The following ARHGAP15 variants were observed in gnomAD, a reference collection of about 807,000 sequenced individuals.
The protein encoded by ARHGAP15 is Rho GTPase activating protein 15, also known as rho GTPase-activating protein 15.
ARHGAP15 carries 51 observed loss-of-function variants against 63.7 expected under a neutral mutation model. That is an observed-to-expected ratio of 0.80 (90% CI 0.64 to 1.01). ARHGAP15 has a LOEUF of 1.01. Among genes scored for constraint, ARHGAP15 ranks in the 50% least tolerant of loss-of-function variants. The pLI is 0.00. For missense variants in ARHGAP15, 560 were observed against 564.6 expected, an observed-to-expected ratio of 0.99 and a Z score of 0.08; for synonymous variants, 191 against 193.8, an observed-to-expected ratio of 0.99 and a Z score of 0.12.
In ARHGAP15 at chr2:143,180,674, T is replaced by A. The variant is rs114079372; in HGVS notation, c.166-21460T>A. 3.7e-3 allele frequency among the ~76,000 whole-genome samples: 564 copies of A among 152,270 alleles called. 3 individuals carry two copies. The highest frequency in any genetic ancestry group is 0.012 in the African/African-American group (519 of 41,544). On this transcript the variant is annotated intron_variant, in intron 2 of 13. Transcript: ENST00000295095. The stretch of plus-strand genomic sequence containing the variant: ...AGTCTTATTAAATATATTTCTTTTT[T>A]TTATTATTTTTTTGAGACGGAGTCT...
chr2:143,525,514 C>T (rs1694235088), intron 10 of ARHGAP15, among the ~76,000 whole-genome samples: 1 of 151,722 alleles, frequency 6.6e-6, no homozygotes, highest in Admixed American at 6.6e-5. Flanking sequence ...CATCTGCATG[C>T]ATTTACAATG....
intron 6 of ARHGAP15, among the ~76,000 whole-genome samples, chr2:143,391,512 G>T (rs957463081): frequency 1.3e-5 from 2 of 152,106 alleles, no homozygotes; most frequent in Non-Finnish European, 1.5e-5. Flanking sequence ...TGGGGAGCCT[G>T]CCTTCAGTCT....
intron 13 of ARHGAP15, among the ~76,000 whole-genome samples, chr2:143,726,729 A>G (rs1346587906): frequency 6.6e-6 from 1 of 152,212 alleles, no homozygotes; most frequent in Non-Finnish European, 1.5e-5. Context: ...CATGTAACGT[A>G]CTTCTGAGAC....
Position 143,134,812 on chromosome 2 carries a change from T to C in ARHGAP15, c.-15+5346T>C, listed in dbSNP as rs576429659. 7.9e-5 allele frequency among the ~76,000 whole-genome samples: 12 copies of C among 151,316 alleles called. No individual in the cohort carries two copies. In the South Asian group the frequency reaches 2.3e-3, roughly 29 times the overall value. On this transcript the variant is annotated intron_variant, in intron 1 of 13. Coordinates refer to ENST00000295095, the MANE Select transcript of ARHGAP15 (RefSeq NM_018460.4). ...ACCAAGCCCAGCTAATTTTTTTTTG[T>C]ATTTTTAGTAGAGTCGGGGTTTCAC...
At chr2:143,733,201 T>G (rs1187090084) in intron 13 of ARHGAP15, among the ~76,000 whole-genome samples, 1 of 152,152 alleles carries the variant, frequency 6.6e-6, no homozygotes, top group Non-Finnish European at 1.5e-5. Context: ...GTACTTATTA[T>G]CAAATCGTCA....
intron 6 of ARHGAP15, among the ~76,000 whole-genome samples, chr2:143,356,802 G>T (rs1685829653): frequency 6.6e-6 from 1 of 152,038 alleles, no homozygotes; most frequent in Non-Finnish European, 1.5e-5. Flanking sequence ...ACAAAAAGAT[G>T]CACAGGCTGT....
intron 1 of ARHGAP15, among the ~76,000 whole-genome samples, chr2:143,139,129 G>A (rs1689259658): frequency 6.6e-6 from 1 of 151,720 alleles, no homozygotes; most frequent in African/African-American, 2.4e-5. Context: ...ATTTCTAATT[G>A]TCACTTGATA....
intron 6 of ARHGAP15, among the ~76,000 whole-genome samples, chr2:143,413,342 T>G (rs1558954309): frequency 2.0e-5 from 3 of 152,354 alleles, no homozygotes; most frequent in South Asian, 4.1e-4. Context: ...CTCTTCTGTT[T>G]AAGGCATAGT....
intron 10 of ARHGAP15, among the ~76,000 whole-genome samples, chr2:143,537,083 G>A (rs1307625426): frequency 1.3e-5 from 2 of 152,116 alleles, no homozygotes; most frequent in African/African-American, 4.8e-5. Flanking sequence ...GTGTGAGATG[G>A]TATCTCATTG....
chr2:143,539,956 A>G (rs891527496), intron 10 of ARHGAP15, among the ~76,000 whole-genome samples: 3 of 151,986 alleles, frequency 2.0e-5, no homozygotes, highest in Non-Finnish European at 4.4e-5. Context: ...TGTCTCGTTG[A>G]TCTGTCTAAT....
intron 4 of ARHGAP15, among the ~76,000 whole-genome samples, chr2:143,227,904 A>T (rs1483558712): frequency 6.6e-6 from 1 of 152,156 alleles, no homozygotes; most frequent in Non-Finnish European, 1.5e-5. Flanking sequence ...AGGGATTTTT[A>T]AAAAGCACAT....
At chr2:143,139,147 T>G (rs1159747582) in intron 1 of ARHGAP15, among the ~76,000 whole-genome samples, 1 of 152,148 alleles carries the variant, frequency 6.6e-6, no homozygotes, top group Admixed American at 6.6e-5. Context: ...ATACTTCCTC[T>G]ATGATATCCC....
chr2:143,163,990 A>G (rs916047362), intron 2 of ARHGAP15, among the ~76,000 whole-genome samples: 5 of 152,030 alleles, frequency 3.3e-5, no homozygotes, highest in Non-Finnish European at 7.4e-5. Context: ...TAAACGGTTG[A>G]TTAGCCTCTG....
At position 143,707,173 on chromosome 2, in the gene ARHGAP15, G is replaced by C. The variant is rs117088595; in HGVS notation, c.1244+3649G>C. ...GAGTATAGGATGAAAGAGGTAGAAAGAGGAGAGAACCCAGGAGGTCCCAGG... is the reference window on the plus strand; with the variant it reads ...GAGTATAGGATGAAAGAGGTAGAAACAGGAGAGAACCCAGGAGGTCCCAGG... On this transcript the variant is annotated intron_variant, in intron 13 of 13. Transcript: ENST00000295095. 2.6e-5 allele frequency among the ~76,000 whole-genome samples: 4 copies of C among 152,308 alleles called. No individual in the cohort carries two copies. The East Asian group carries it at 7.7e-4, about 29-fold the overall frequency.
At chr2:143,561,166 C>T (rs1176906347) in intron 11 of ARHGAP15, among the ~76,000 whole-genome samples, 4 of 152,172 alleles carry the variant, frequency 2.6e-5, no homozygotes, top group Non-Finnish European at 5.9e-5. Context: ...GCTAAACTCC[C>T]CCTCCTTCCC....
intron 13 of ARHGAP15, among the ~76,000 whole-genome samples, chr2:143,746,922 G>A (rs569840702): frequency 6.6e-6 from 1 of 152,306 alleles, no homozygotes; most frequent in East Asian, 1.9e-4. Context: ...CAACTCAAAT[G>A]TGTGTGGCCA....
chr2:143,349,989 C>CT (rs779748801), intron 6 of ARHGAP15, among the ~76,000 whole-genome samples: 5 of 152,026 alleles, frequency 3.3e-5, no homozygotes, highest in Non-Finnish European at 5.9e-5. Context: ...TATAATAGGC[C>CT]TTTTTGACAA....
intron 11 of ARHGAP15, among the ~76,000 whole-genome samples, chr2:143,612,607 C>T (rs559361797): frequency 4.6e-5 from 7 of 152,278 alleles, no homozygotes; most frequent in Non-Finnish European, 8.8e-5. Flanking sequence ...ACCACAGAGG[C>T]GAGGCTCAGA....
chr2:143,624,263 G>T lies in ARHGAP15; in HGVS notation c.1134G>T (p.Ala378=), dbSNP rs375312742. 1.2e-6 allele frequency: 2 copies of T among 1,612,942 alleles called. No individual in the cohort carries two copies. Among genetic ancestry groups the T allele is most frequent in the African/African-American group, 1.3e-5 (1 of 74,966 alleles). ...PYSFFEQFVE[A]IKKQDNNTRI... is the part of the protein sequence containing the mutation. ...GTTTCTTTGAGCAGTTTGTGGAAGC[G>T]ATCAGTAAGTACCTCACAGAAAAGG... is the stretch of plus-strand genomic sequence containing the variant. The change falls in exon 12 of 14, where the codon GCG becomes GCT. Residue 378 remains alanine, a synonymous_variant. Transcript: ENST00000295095.
Sources: allele counts gnomAD v4.1 joint callset (sites outside exome capture counted in the v4.1 genomes callset), GRCh38; gene constraint gnomAD v4.1.1; transcripts MANE v1.5; gene names NCBI Gene and HGNC (gene_info 2026-07-23, HGNC 2026-07-21).